The following FDPS variants were observed in gnomAD, a reference collection of about 807,000 sequenced individuals.
FDPS encodes farnesyl diphosphate synthase.
In FDPS, 29 loss-of-function variants were observed where a neutral mutation model predicts 49.5. The observed-to-expected ratio is 0.59, with a 90% CI of 0.44 to 0.80. FDPS has a LOEUF of 0.80. FDPS is among the 30% of genes least tolerant of loss of function. FDPS has a pLI of 0.00. For synonymous variants in FDPS, 172 were observed against 206.4 expected (o/e 0.83, Z 1.43); for missense variants, 414 against 525.6 (o/e 0.79, Z 2.08).
In FDPS at chr1:155,318,832, A is replaced by G; in HGVS notation, c.774-24A>G. The stretch of plus-strand genomic sequence containing the variant: ...CAGGATGTGCATTGCCCTCCTGAGG[A>G]GTTTCTCTTCTCCCCTTACTCAGGT... On this transcript the variant is annotated intron_variant, in intron 7 of 10. Transcript: ENST00000368356. This position sits in a 1 kb window ranked among gnomAD's most constrained non-coding sequence, Gnocchi z 4.2. 1 of 1,603,464 alleles carries G rather than the reference A, an allele frequency of 6.2e-7. No homozygotes were observed.
At position 155,320,446 on chromosome 1, in the gene FDPS, G is replaced by T. The variant is rs550195769; in HGVS notation, c.1097G>T (p.Arg366Leu). ...YGQKEAEKVA[R>L]VKALYEELDL... is the part of the protein sequence containing the mutation. ...CAGAAGGAGGCTGAGAAAGTGGCCC[G>T]GGTGAAGGCGCTATATGAGGAGCTG... The change falls in exon 11 of 11, where the codon CGG becomes CTG. Residue 366 changes from arginine (R) to leucine (L), a missense_variant. Transcript: ENST00000368356. The T allele has an allele frequency of 1.2e-5, 19 of 1,613,570 alleles. No individual in the cohort carries two copies. The South Asian group carries it at 1.4e-4, about 12-fold the overall frequency.
rs763975527 is a variant in FDPS, at chr1:155,312,401, A to AG, written c.480+10dup. On this transcript the variant is annotated splice_region_variant and intron_variant, in intron 4 of 10. Transcript: ENST00000368356. ...TGGGCTGGTGTGTGGAACTGGTGAG[A>AG]GGGGTAGGGCAAGGGAGAAGAAGTT... is the stretch of plus-strand genomic sequence containing the variant. 38 of 1,494,522 alleles carry AG rather than the reference A, an allele frequency of 2.5e-5. No individual in the cohort carries two copies. Among genetic ancestry groups the AG allele is most frequent in the Non-Finnish European group, 3.1e-5 (34 of 1,103,734 alleles). The allele number at this position is 1,494,522 out of a possible 1,614,324, so 92.6% of individuals were successfully genotyped here.
chr1:155,317,268 G>C (rs1469711285), intron 4 of FDPS: 1 of 152,204 alleles, frequency 6.6e-6, no homozygotes, highest in Non-Finnish European at 1.5e-5. Context: ...TTCATGAATA[G>C]ATCTTACTTT....
rs1181031347 is a variant in FDPS at position 155,312,170 on chromosome 1, T to C, written c.340-85T>C. The stretch of plus-strand genomic sequence containing the variant: ...TGGGGAGGATAAAGTTAGGTGGTGG[T>C]TGGAAATGGGAGAGAGCAAGGAGAA... On this transcript the variant is annotated intron_variant, in intron 3 of 10. Transcript: ENST00000368356. 2.0e-6 allele frequency: 3 copies of C among 1,508,078 alleles called. No homozygotes were observed. The African/African-American group carries it at 4.1e-5, about 21-fold the overall frequency. The allele number at this position is 1,508,078 out of a possible 1,614,324, so 93.4% of individuals were successfully genotyped here.
Position 155,309,846 on chromosome 1 carries a change from C to T in FDPS, c.57C>T (p.Tyr19=). 6.3e-7 allele frequency: 1 copy of T among 1,583,758 alleles called. No individual in the cohort carries two copies. Among genetic ancestry groups the T allele is most frequent in the Non-Finnish European group, 8.6e-7 (1 of 1,162,548 alleles). Residue 19 remains tyrosine, a synonymous_variant, in exon 2 of 11, where the codon TAC becomes TAT. Transcript: ENST00000368356. ...GGGTCTTCCTGCTGCCAGCCCCCTACTGGGCACCCCGGGAGAGGTGGCTGG... is the reference window on the plus strand; with the variant it reads ...GGGTCTTCCTGCTGCCAGCCCCCTATTGGGCACCCCGGGAGAGGTGGCTGG... ...SVGVFLLPAP[Y]WAPRERWLGS...
chr1:155,316,977 C>A (rs1318774104), intron 4 of FDPS: 1 of 152,166 alleles, frequency 6.6e-6, no homozygotes, highest in Non-Finnish European at 1.5e-5. Context: ...GTTACTGTCC[C>A]TGCTTCCAAG....
rs748618391 is a variant in FDPS at position 155,318,679 on chromosome 1, T to C, written c.699T>C (p.Thr233=). 1 of 1,610,254 alleles carries C rather than the reference T, an allele frequency of 6.2e-7. No individual in the cohort carries two copies. The highest frequency in any genetic ancestry group is 2.2e-5 in the East Asian group (1 of 44,858). Residue 233 remains threonine, a synonymous_variant, in exon 7 of 11, where the codon ACT becomes ACC. Transcript: ENST00000368356. This position sits in a 1 kb window ranked among gnomAD's most constrained non-coding sequence, Gnocchi z 4.2. ...GTCTTGCTTAGAGTTCCTATCAGAC[T>C]GAGATTGGGCAGACCCTGGACCTCC... ...IELFLQSSYQ[T]EIGQTLDLLT...
At chr1:155,319,484 A>T in intron 8 of FDPS, 127 bp from the exon 9 acceptor site, 1 of 947,960 alleles carries the variant, frequency 1.1e-6, no homozygotes, top group Non-Finnish European at 1.6e-6. Flanking sequence ...TAGGTCAGGG[A>T]AGCCAAGATG....
intron 4 of FDPS, among the ~76,000 whole-genome samples, chr1:155,313,710 G>C (rs562504389): frequency 6.6e-6 from 1 of 152,236 alleles, no homozygotes; most frequent in South Asian, 2.1e-4. Flanking sequence ...AAAATATGGA[G>C]ATGACAGGCA....
intron 4 of FDPS, 64 bp downstream of exon 4, chr1:155,312,459 G>A: frequency 1.4e-6 from 2 of 1,448,152 alleles, no homozygotes; most frequent in Non-Finnish European, 1.9e-6. Context: ...GTGGGAAGGG[G>A]AGGGATGGGC....
chr1:155,317,906 G>A, intron 4 of FDPS, 35 bp from the exon 5 acceptor site: 1 of 1,578,280 alleles, frequency 6.3e-7, no homozygotes, highest in Non-Finnish European at 8.7e-7. Flanking sequence ...GAACAGTAAT[G>A]AGGAGCCCTG....
chr1:155,315,070 G>A (rs1649181038), intron 4 of FDPS, among the ~76,000 whole-genome samples: 1 of 152,198 alleles, frequency 6.6e-6, no homozygotes, highest in African/African-American at 2.4e-5. Flanking sequence ...CTGAGTTTAG[G>A]TCAGAGGTAA....
At chr1:155,311,958 A>G (rs1648840871) in intron 3 of FDPS, among the ~76,000 whole-genome samples, 1 of 151,794 alleles carries the variant, frequency 6.6e-6, no homozygotes, top group South Asian at 2.1e-4. Context: ...GGTAACAGAG[A>G]GAGAATTCAT....
At chr1:155,310,009 G>T in intron 2 of FDPS, 34 bp from the exon 3 acceptor site, 1 of 1,612,118 alleles carries the variant, frequency 6.2e-7, no homozygotes, top group Non-Finnish European at 8.5e-7. Flanking sequence ...GGGAGCAGCT[G>T]ATCAGGTTTC....
At position 155,319,942 on chromosome 1, in the gene FDPS, G is replaced by T; in HGVS notation, c.1059+14G>T. 6.2e-7 allele frequency: 1 copy of T among 1,613,256 alleles called. No homozygotes were observed. The highest frequency in any genetic ancestry group is 8.5e-7 in the Non-Finnish European group (1 of 1,179,248). ...CAGATCCTGAAGGTGCCTGAGAGAG[G>T]GTGGTGGGTCCCTGAGTTGGTGGAA... On this transcript the variant is annotated intron_variant, in intron 10 of 10. Coordinates refer to ENST00000368356, the MANE Select transcript of FDPS (RefSeq NM_002004.4).
intron 10 of FDPS, chr1:155,320,208 G>A (rs1650174115): frequency 1.5e-6 from 1 of 646,844 alleles, no homozygotes; most frequent in Non-Finnish European, 2.7e-6. Context: ...CTGGAGTAGA[G>A]GATGCCTGGT....
At position 155,318,946 on chromosome 1, in the gene FDPS, C is replaced by A; in HGVS notation, c.846+18C>A. On this transcript the variant is annotated intron_variant, in intron 8 of 10. Coordinates refer to ENST00000368356, the MANE Select transcript of FDPS (RefSeq NM_002004.4). This position sits in a 1 kb window ranked among gnomAD's most constrained non-coding sequence, Gnocchi z 4.2. Reference sequence around the variant, plus strand: ...TGTACATGGTGAGTGAGCCTCCTCACCCCTCTCTGCTCTGCTGATGGGGGC... The same window carrying A: ...TGTACATGGTGAGTGAGCCTCCTCAACCCTCTCTGCTCTGCTGATGGGGGC... The A allele has an allele frequency of 6.3e-7, 1 of 1,588,842 alleles. No individual in the cohort carries two copies.
Position 155,320,566 on chromosome 1 carries a change from T to G in FDPS, c.1217T>G (p.Val406Gly). Reference sequence around the variant, plus strand: ...TACGCAGCACCCCTGCCCCCAGCCGTCTTTCTGGGGCTTGCGCGCAAAATC... The same window carrying G: ...TACGCAGCACCCCTGCCCCCAGCCGGCTTTCTGGGGCTTGCGCGCAAAATC... ...EQYAAPLPPA[V>G]FLGLARKIYK... Residue 406 changes from valine to glycine, a missense_variant, in exon 11 of 11, where the codon GTC becomes GGC. By Grantham distance (109) the Val-to-Gly change is moderately radical. Coordinates refer to ENST00000368356, the MANE Select transcript of FDPS (RefSeq NM_002004.4). 1.9e-6 allele frequency: 3 copies of G among 1,614,176 alleles called. No individual in the cohort carries two copies. The highest frequency in any genetic ancestry group is 2.5e-6 in the Non-Finnish European group (3 of 1,180,018).
At chr1:155,312,173 G>A (rs1256563534) in intron 3 of FDPS, 82 bp from the exon 4 acceptor site, 5 of 1,531,370 alleles carry the variant, frequency 3.3e-6, no homozygotes, top group Non-Finnish European at 1.8e-6. Flanking sequence ...GTGGTGGTTG[G>A]AAATGGGAGA....
Sources: gnomAD v4.1 joint callset for allele counts (sites outside exome capture counted in the v4.1 genomes callset) on GRCh38, gnomAD v4.1.1 for gene constraint, Gnocchi (gnomAD v3.1) non-coding constraint, MANE v1.5 for transcripts, NCBI Gene and HGNC (gene_info 2026-07-23, HGNC 2026-07-21) for gene names.